CCDC97: variants seen among roughly 807,000 people sequenced by gnomAD.
CCDC97 encodes coiled-coil domain containing 97.
A neutral mutation model predicts 33.9 loss-of-function variants in CCDC97; 27 were observed. That is an observed-to-expected ratio of 0.80 (90% CI 0.59 to 1.10). CCDC97 has a LOEUF of 1.10. Among genes scored for constraint, CCDC97 ranks in the 50% least tolerant of loss-of-function variants. CCDC97 has a pLI of 0.00. For synonymous variants in CCDC97, 217 were observed against 194.0 expected, an observed-to-expected ratio of 1.12 and a Z score of -0.99; for missense variants, 422 against 476.6, an observed-to-expected ratio of 0.89 and a Z score of 1.07.
intron 3 of CCDC97, among the ~76,000 whole-genome samples, chr19:41,320,061 C>G (rs2037803773): frequency 6.6e-6 from 1 of 152,146 alleles, no homozygotes; most frequent in Non-Finnish European, 1.5e-5. Context: ...ACCCTCGCCT[C>G]CAGGTCTGGA....
chr19:41,320,601 G>A (rs781444689), intron 4 of CCDC97, 131 bp downstream of exon 4: 26 of 1,222,166 alleles, frequency 2.1e-5, no homozygotes, highest in Non-Finnish European at 2.8e-5. Context: ...GTTCCAGGAT[G>A]TGGGGTTGAA....
rs748695938 is a variant in CCDC97, at chr19:41,319,772, A to G, written c.701A>G (p.Gln234Arg). 6.2e-7 allele frequency: 1 copy of G among 1,613,278 alleles called. No homozygotes were observed. The highest frequency in any genetic ancestry group is 1.7e-5 in the Admixed American group (1 of 60,000). ...LLQSYEEREL[Q>R]QRLLQQQEEE... is the part of the protein sequence containing the mutation. The stretch of plus-strand genomic sequence containing the variant: ...CAGTCCTACGAGGAGCGGGAGCTAC[A>G]GCAGCGTCTGCTCCAACAGCAGGAG... The change falls in exon 3 of 5, where the codon CAG becomes CGG. Residue 234 changes from glutamine to arginine, a missense_variant. Coordinates refer to ENST00000269967, the MANE Select transcript of CCDC97 (RefSeq NM_052848.3).
At chr19:41,314,498 G>A (rs991802326) in intron 1 of CCDC97, among the ~76,000 whole-genome samples, 1 of 152,254 alleles carries the variant, frequency 6.6e-6, no homozygotes, top group African/African-American at 2.4e-5. Context: ...ATGAGAGAGT[G>A]AATGAATGAG....
chr19:41,316,010 C>G (rs973374789), intron 1 of CCDC97, among the ~76,000 whole-genome samples: 3 of 151,538 alleles, frequency 2.0e-5, no homozygotes, highest in African/African-American at 7.3e-5. Context: ...GGGAGGATCG[C>G]TCAAGCCCAG....
rs555343206 is a variant in CCDC97 at position 41,320,326 on chromosome 19, C to T, written c.782-15C>T. The T allele has an allele frequency of 7.4e-6, 12 of 1,613,324 alleles. No homozygotes were observed. The highest frequency in any genetic ancestry group is 2.7e-5 in the African/African-American group (2 of 74,916). ...GTGCACCCGCATTCACACCCCCTCT[C>T]CTCTCCCTCTGCAGACCAGAGGTCA... On this transcript the variant is annotated splice_polypyrimidine_tract_variant and intron_variant, in intron 3 of 4. Transcript: ENST00000269967.
chr19:41,320,572 G>A (rs1167856602), intron 4 of CCDC97, 102 bp downstream of exon 4: 4 of 1,471,238 alleles, frequency 2.7e-6, no homozygotes, highest in African/African-American at 2.8e-5. Context: ...CCTTTGTGGA[G>A]CTACAAGGCC....
At chr19:41,322,532 T>C in intron 4 of CCDC97, 63 bp from the exon 5 acceptor site, 1 of 1,570,596 alleles carries the variant, frequency 6.4e-7, no homozygotes, top group Admixed American at 1.8e-5. Context: ...GCCCCAGGCC[T>C]TTGACCTGGG....
chr19:41,312,129 G>A (rs2123051476), intron 1 of CCDC97, among the ~76,000 whole-genome samples: 1 of 152,214 alleles, frequency 6.6e-6, no homozygotes, highest in South Asian at 2.1e-4. Flanking sequence ...TGTTGCCCAG[G>A]CTGGAGTGCA....
rs1404688495 is a variant in CCDC97 at position 41,316,766 on chromosome 19, C to A, written c.429C>A (p.Gly143=). The change falls in exon 2 of 5, where the codon GGC becomes GGA. Residue 143 remains glycine (G), a synonymous_variant. Coordinates refer to ENST00000269967, the MANE Select transcript of CCDC97 (RefSeq NM_052848.3). ...ACTGTGCTGAGGTGGCCCGGCAGGG[C>A]ACTGCCCGGCCCCGCACCCTGCGTA... ...DFYCAEVARQ[G]TARPRTLRTR... is the part of the protein sequence containing the mutation. 5.0e-6 allele frequency: 8 copies of A among 1,612,696 alleles called. No individual in the cohort carries two copies. Among genetic ancestry groups the A allele is most frequent in the Middle Eastern group, 3.3e-4 (2 of 6,062 alleles).
At chr19:41,319,910 T>G (rs910336928) in intron 3 of CCDC97, 58 bp downstream of exon 3, 1 of 806,266 alleles carries the variant, frequency 1.2e-6, no homozygotes, top group Non-Finnish European at 1.9e-6. Flanking sequence ...TAGGCCTGTC[T>G]GTCTCCACTT....
At position 41,319,722 on chromosome 19, in the gene CCDC97, T is replaced by C; in HGVS notation, c.651T>C (p.Ala217=). The C allele has an allele frequency of 6.2e-7, 1 of 1,613,828 alleles. No individual in the cohort carries two copies. Among genetic ancestry groups the C allele is most frequent in the South Asian group, 1.1e-5 (1 of 91,076 alleles). ...AGCCCGGGTCCCCCGGGAGACCTGCTTGCCCGCTCTCCAACTTGCTGCTCC... is the reference window on the plus strand; with the variant it reads ...AGCCCGGGTCCCCCGGGAGACCTGCCTGCCCGCTCTCCAACTTGCTGCTCC... ...PPKPGSPGRP[A]CPLSNLLLQS... The change falls in exon 3 of 5, where the codon GCT becomes GCC. Residue 217 remains alanine (A), a synonymous_variant. Transcript: ENST00000269967.
rs761948860 is a variant in CCDC97, at chr19:41,310,204, T to G, written c.-107T>G. On this transcript the variant is annotated 5_prime_UTR_variant, in exon 1 of 5. Transcript: ENST00000269967. ...GAACTTCGGTGCCTGGGCGCAGCGG[T>G]GCACCCGGACCCGGAACATTCTCAG... 1 of 1,480,316 alleles carries G rather than the reference T, an allele frequency of 6.8e-7. No homozygotes were observed. Among genetic ancestry groups the G allele is most frequent in the Non-Finnish European group, 9.2e-7 (1 of 1,086,398 alleles). The allele number at this position is 1,480,316 out of a possible 1,614,324, so 91.7% of individuals were successfully genotyped here.
intron 1 of CCDC97, among the ~76,000 whole-genome samples, chr19:41,313,663 A>C (rs1015032710): frequency 6.6e-6 from 1 of 152,256 alleles, no homozygotes; most frequent in South Asian, 2.1e-4. Context: ...TTGGGAAACA[A>C]GTCTCACCAA....
chr19:41,319,769 T>C lies in CCDC97; in HGVS notation c.698T>C (p.Leu233Pro), dbSNP rs755105494. 1 of 1,613,258 alleles carries C rather than the reference T, an allele frequency of 6.2e-7. No individual in the cohort carries two copies. The highest frequency in any genetic ancestry group is 8.5e-7 in the Non-Finnish European group (1 of 1,179,706). ...LLLQSYEERE[L>P]QQRLLQQQEE... ...CTCCAGTCCTACGAGGAGCGGGAGCTACAGCAGCGTCTGCTCCAACAGCAG... is the reference window on the plus strand; with the variant it reads ...CTCCAGTCCTACGAGGAGCGGGAGCCACAGCAGCGTCTGCTCCAACAGCAG... Residue 233 changes from leucine to proline, a missense_variant, in exon 3 of 5, where the codon CTA (leucine) becomes CCA (proline). By Grantham distance (98) the Leu-to-Pro change is moderately conservative. Coordinates refer to ENST00000269967, the MANE Select transcript of CCDC97 (RefSeq NM_052848.3).
intron 2 of CCDC97, among the ~76,000 whole-genome samples, chr19:41,317,992 CAAAAAA>C (rs764111028): frequency 1.6e-5 from 1 of 61,890 alleles, no homozygotes; most frequent in African/African-American, 7.0e-5. Flanking sequence ...TGGAGGTTGC[CAAAAAA>C]AAAAAAAAAA....
rs2037810471 is a variant in CCDC97 at position 41,320,439 on chromosome 19, C to G, written c.880C>G (p.Leu294Val). The change falls in exon 4 of 5, where the codon CTA becomes GTA. Residue 294 changes from leucine to valine, a missense_variant. Physicochemically the swap from Leu to Val is conservative, Grantham distance 32. Coordinates refer to ENST00000269967, the MANE Select transcript of CCDC97 (RefSeq NM_052848.3). ...CACCAGCCGCATGCACCAGCGCTTC[C>G]TAGATGGCAAGGACGGGGACTTTGA... Reference protein sequence around the residue: ...EFTSRMHQRFLDGKDGDFDYS... With the variant: ...EFTSRMHQRFVDGKDGDFDYS... 1 of 1,614,120 alleles carries G rather than the reference C, an allele frequency of 6.2e-7. No homozygotes were observed.
rs1348081443 is a variant in CCDC97 at position 41,316,814 on chromosome 19, T to C, written c.477T>C (p.Tyr159=). Residue 159 remains tyrosine, a synonymous_variant, in exon 2 of 5, where the codon TAT becomes TAC. Coordinates refer to ENST00000269967, the MANE Select transcript of CCDC97 (RefSeq NM_052848.3). ...GTACCCGCCTGCGTAACCGGCGCTA[T>C]GCTGCCCTGCGAGAGCTGATCCAAG... ...TLRTRLRNRR[Y]AALRELIQGG... 1 of 1,592,764 alleles carries C rather than the reference T, an allele frequency of 6.3e-7. No homozygotes were observed. Among genetic ancestry groups the C allele is most frequent in the African/African-American group, 1.3e-5 (1 of 74,496 alleles).
Position 41,310,245 on chromosome 19 carries a change from G to C in CCDC97, c.-66G>C. The C allele has an allele frequency of 6.4e-7, 1 of 1,552,140 alleles. No individual in the cohort carries two copies. The highest frequency in any genetic ancestry group is 1.2e-5 in the South Asian group (1 of 84,444). On this transcript the variant is annotated 5_prime_UTR_variant, in exon 1 of 5. Coordinates refer to ENST00000269967, the MANE Select transcript of CCDC97 (RefSeq NM_052848.3). The stretch of plus-strand genomic sequence containing the variant: ...ACATTCTCAGGCGAAAGTGTCTCTT[G>C]CGTGCGTGGGCCGGAGGTTAGTGTG...
chr19:41,316,551 G>A lies in CCDC97; in HGVS notation c.214G>A (p.Ala72Thr), dbSNP rs148083057. ...GAGTGCTATGCTGCACGCTGTAGCC[G>A]CCAGCCGCCTGCCTGTTTGCAGCCA... ...AVSAMLHAVA[A>T]SRLPVCSQQQ... The change falls in exon 2 of 5, where the codon GCC (alanine) becomes ACC (threonine). Residue 72 changes from alanine to threonine, a missense_variant. Coordinates refer to ENST00000269967, the MANE Select transcript of CCDC97 (RefSeq NM_052848.3). 2.4e-4 allele frequency: 383 copies of A among 1,614,204 alleles called. No homozygotes were observed. The highest frequency in any genetic ancestry group is 1.9e-3 in the African/African-American group (146 of 75,058).
Sources: allele counts gnomAD v4.1 joint callset (sites outside exome capture counted in the v4.1 genomes callset), GRCh38; gene constraint gnomAD v4.1.1; transcripts MANE v1.5; gene names NCBI Gene and HGNC (gene_info 2026-07-23, HGNC 2026-07-21).